USB1: variants seen among roughly 807,000 people sequenced by gnomAD.
The protein encoded by USB1 is U6 snRNA biogenesis phosphodiesterase 1, also known as U6 snRNA phosphodiesterase 1.
In USB1, 21 loss-of-function variants were observed where a neutral mutation model predicts 29.9. The ratio of observed to expected loss-of-function variants is 0.70; its 90% CI spans 0.50 to 1.01. The LOEUF (loss-of-function observed/expected upper bound fraction) is 1.01. Among genes scored for constraint, USB1 ranks in the 50% least tolerant of loss-of-function variants. USB1 has a pLI of 0.00. For synonymous variants in USB1, 143 were observed against 134.9 expected (o/e 1.06, Z -0.42); for missense variants, 330 against 347.1 (o/e 0.95, Z 0.39).
At chr16:58,011,631 GATC>G (rs1963499403) in intron 3 of USB1, 1 of 988,608 alleles carries the variant, frequency 1.0e-6, no homozygotes, top group African/African-American at 1.7e-5. Context: ...TCCGTCCAGA[GATC>G]AGTTGGCCCT....
intron 4 of USB1, chr16:58,015,520 C>T (rs953002161): frequency 1.3e-5 from 2 of 152,132 alleles, no homozygotes; most frequent in Non-Finnish European, 2.9e-5. Context: ...TGTTAAGCAC[C>T]CACTTGTGCC....
chr16:58,001,375 G>A, upstream of USB1: 1 of 1,319,146 alleles, frequency 7.6e-7, no homozygotes, highest in East Asian at 2.5e-5. Flanking sequence ...GCCCCGAGGC[G>A]GTGCCAGCCC....
intron 3 of USB1, chr16:58,011,390 C>CA: frequency 8.4e-7 from 1 of 1,195,774 alleles, no homozygotes; most frequent in Non-Finnish European, 1.0e-6. Context: ...CAGCCTGGGG[C>CA]TTTTTTTTTC....
rs981014630 is a variant in USB1, at chr16:58,013,709, G to T, written c.450-564G>T. 1.2e-6 allele frequency: 1 copy of T among 828,220 alleles called. No homozygotes were observed. Among genetic ancestry groups the T allele is most frequent in the African/African-American group, 1.9e-5 (1 of 53,850 alleles). The allele number at this position is 828,220 out of a possible 1,614,324, so 51.3% of individuals were successfully genotyped here. ...GACTCTGGAAACAGGCAGACTGACT[G>T]TTCCAATCCTGGCTCACCAAATTCA... On this transcript the variant is annotated intron_variant, in intron 3 of 6. Transcript: ENST00000219281. The surrounding 1 kb of genome is among the most constrained non-coding windows in gnomAD (Gnocchi z 4.3).
rs758332726 is a variant in USB1, at chr16:58,010,026, C to T, written c.363C>T (p.Leu121=). 6 of 1,614,162 alleles carry T rather than the reference C, an allele frequency of 3.7e-6. No individual in the cohort carries two copies. Among genetic ancestry groups the T allele is most frequent in the Non-Finnish European group, 5.1e-6 (6 of 1,180,042 alleles). ...TGGTAAGGATGAAGGTGTTCCACCT[C>T]AGCCTGTCCCAGAGTGTGGTTCTGC... ...PRLVRMKVFH[L]SLSQSVVLRH... Residue 121 remains leucine (L), a synonymous_variant, in exon 3 of 7, where the codon CTC becomes CTT. Transcript: ENST00000219281.
chr16:57,999,694 G>A (rs1963113503), upstream of USB1: 1 of 152,334 alleles, frequency 6.6e-6, no homozygotes, highest in Non-Finnish European at 1.5e-5. Context: ...GTAAGAGTCA[G>A]GCTAAAAGCT....
intron 6 of USB1, 135 bp from the exon 7 acceptor site, chr16:58,020,006 C>G (rs1963699925): frequency 1.3e-6 from 1 of 781,084 alleles, no homozygotes; most frequent in Non-Finnish European, 2.2e-6. Flanking sequence ...GACAAGATCA[C>G]CAATGCAGAG....
chr16:58,012,499 AG>A, intron 3 of USB1: 1 of 1,185,404 alleles, frequency 8.4e-7, no homozygotes, highest in Non-Finnish European at 1.2e-6. Flanking sequence ...TCACCATCTC[AG>A]CTCTGTCCCC....
chr16:58,014,285 T>C lies in USB1; in HGVS notation c.462T>C (p.Thr154=), dbSNP rs1435240350. 70 of 1,613,664 alleles carry C rather than the reference T, an allele frequency of 4.3e-5. No individual in the cohort carries two copies. The highest frequency in any genetic ancestry group is 5.6e-5 in the Non-Finnish European group (66 of 1,179,746). The change falls in exon 4 of 7, where the codon ACT becomes ACC. Residue 154 remains threonine, a synonymous_variant. Transcript: ENST00000219281. The part of the protein sequence containing the change: ...RMTSFHRFFF[T]ANQVKIYTNQ... Reference sequence around the variant, plus strand: ...TTCTAAATTTCAGATTCTTCTTTACTGCCAACCAGGTAAAGATTTACACCA... The same window carrying C: ...TTCTAAATTTCAGATTCTTCTTTACCGCCAACCAGGTAAAGATTTACACCA...
intron 3 of USB1, chr16:58,011,117 A>T: frequency 8.4e-7 from 1 of 1,188,936 alleles, no homozygotes; most frequent in Non-Finnish European, 1.2e-6. Context: ...AGCCAGGATC[A>T]CAGACCAGAT....
chr16:58,017,866 G>A (rs1963654611), intron 5 of USB1, among the ~76,000 whole-genome samples: 6 of 152,198 alleles, frequency 3.9e-5, no homozygotes, highest in Admixed American at 3.9e-4. Context: ...GCTTTGAAGG[G>A]CCATTCATTT....
chr16:58,021,484 C>G lies in USB1; in HGVS notation c.*1239C>G, dbSNP rs1285609979. 2 of 152,294 alleles carry G rather than the reference C, an allele frequency of 1.3e-5. No homozygotes were observed. Among genetic ancestry groups the G allele is most frequent in the Admixed American group, 1.3e-4 (2 of 15,288 alleles). The allele number at this position is 152,294 out of a possible 1,614,324, so 9.4% of individuals were successfully genotyped here. ...GGGATGCATGGGATTTTAATTGTTT[C>G]ATCACACCTTCCCCGTGGCAAAGAA... is the stretch of plus-strand genomic sequence containing the variant. On this transcript the variant is annotated 3_prime_UTR_variant, in exon 7 of 7. Transcript: ENST00000219281.
In USB1 at chr16:58,013,382, G is replaced by A; in HGVS notation, c.450-891G>A. 1 of 985,430 alleles carries A rather than the reference G, an allele frequency of 1.0e-6. No individual in the cohort carries two copies. The allele number at this position is 985,430 out of a possible 1,614,324, so 61.0% of individuals were successfully genotyped here. On this transcript the variant is annotated intron_variant, in intron 3 of 6. Transcript: ENST00000219281. The surrounding 1 kb of genome is among the most constrained non-coding windows in gnomAD (Gnocchi z 4.3). ...GCAGAGAGTTGGCTGACTGACTTTTGCCCTTGGGCAGATTGTGAGGCTCTA... is the reference window on the plus strand; with the variant it reads ...GCAGAGAGTTGGCTGACTGACTTTTACCCTTGGGCAGATTGTGAGGCTCTA...
chr16:58,000,689 C>A (rs1963159567), upstream of USB1, among the ~76,000 whole-genome samples: 2 of 139,142 alleles, frequency 1.4e-5, no homozygotes, highest in South Asian at 5.1e-4. This position sits in a 1 kb window ranked among gnomAD's most constrained non-coding sequence, Gnocchi z 4.5. Context: ...GCGGGCGGCG[C>A]GGGGGCCAGG....
chr16:58,014,327 G>C lies in USB1; in HGVS notation c.503+1G>C. 6.2e-7 allele frequency: 1 copy of C among 1,613,320 alleles called. No homozygotes were observed. The highest frequency in any genetic ancestry group is 8.5e-7 in the Non-Finnish European group (1 of 1,179,370). On this transcript the variant is annotated splice_donor_variant, in intron 4 of 6. Transcript: ENST00000219281. LOFTEE classifies it high-confidence loss of function. Reference sequence around the variant, plus strand: ...TTTACACCAATCAAGAGAAAACCAGGTGGGTCCTCCCAACCCCCAATCACC... The same window carrying C: ...TTTACACCAATCAAGAGAAAACCAGCTGGGTCCTCCCAACCCCCAATCACC...
intron 4 of USB1, chr16:58,017,037 C>T (rs934926144): frequency 2.4e-6 from 1 of 425,194 alleles, no homozygotes; most frequent in Non-Finnish European, 4.4e-6. Context: ...AATGGGGGTG[C>T]AGAAGCTTCT....
In USB1 at chr16:58,020,351, G is replaced by A; in HGVS notation, c.*106G>A. 1 of 1,070,706 alleles carries A rather than the reference G, an allele frequency of 9.3e-7. No homozygotes were observed. Among genetic ancestry groups the A allele is most frequent in the Non-Finnish European group, 1.4e-6 (1 of 706,892 alleles). The allele number at this position is 1,070,706 out of a possible 1,614,324, so 66.3% of individuals were successfully genotyped here. A position where few individuals can be genotyped will look rare whatever the true frequency, so the allele number is the denominator to read the frequency against. On this transcript the variant is annotated 3_prime_UTR_variant, in exon 7 of 7. Transcript: ENST00000219281. ...TCTAGCCTCCCAGTAGGAGGCCCCA[G>A]CCATGCCTTCAACCTGGCAGGAGGT...
upstream of USB1, chr16:58,001,316 G>A: frequency 1.3e-6 from 1 of 774,794 alleles, no homozygotes; most frequent in Non-Finnish European, 2.1e-6. Flanking sequence ...TGGAGTCGGT[G>A]GGCTGAATCT....
chr16:58,000,754 G>A (rs2142287132), upstream of USB1, among the ~76,000 whole-genome samples: 1 of 151,616 alleles, frequency 6.6e-6, no homozygotes, highest in Non-Finnish European at 1.5e-5. The surrounding 1 kb of genome is among the most constrained non-coding windows in gnomAD (Gnocchi z 4.5). Flanking sequence ...AATGCGGGAG[G>A]AGCGGGCGGC....
Sources: allele counts gnomAD v4.1 joint callset (sites outside exome capture counted in the v4.1 genomes callset), GRCh38; gene constraint gnomAD v4.1.1; non-coding constraint Gnocchi (gnomAD v3.1); transcripts MANE v1.5; gene names NCBI Gene and HGNC (gene_info 2026-07-23, HGNC 2026-07-21).